Variants in RTL4 observed in about 807,000 individuals in gnomAD.
The protein encoded by RTL4 is retrotransposon Gag-like protein 4.
In RTL4, 4 loss-of-function variants were observed where a neutral mutation model predicts 5.3. The observed-to-expected ratio is 0.75, with a 90% CI of 0.37 to 1.72. The LOEUF (loss-of-function observed/expected upper bound fraction) is 1.72, where lower values mean the gene tolerates loss of function less well. Among genes scored for constraint, RTL4 ranks in the 40% most tolerant of loss-of-function variants. The pLI, the probability that RTL4 is intolerant of heterozygous loss-of-function variation, is 0.04. For missense variants in RTL4, 260 were observed against 227.1 expected (o/e 1.14, Z -0.93); for synonymous variants, 98 against 87.3 (o/e 1.12, Z -0.68).
the RTL4 span, among the ~76,000 whole-genome samples, chrX:112,387,458 C>G: frequency 9.2e-6 from 1 of 108,946 alleles, no homozygotes; most frequent in Non-Finnish European, 1.9e-5. Context: ...CATCCTGGAG[C>G]CTGGTAGCCC....
the RTL4 span, among the ~76,000 whole-genome samples, chrX:112,256,595 G>A: frequency 9.0e-6 from 1 of 110,873 alleles, no homozygotes; most frequent in Non-Finnish European, 1.9e-5. Flanking sequence ...ATGGATTAAC[G>A]TGGAAGAAAT....
At chrX:112,352,989 A>G in the RTL4 span, among the ~76,000 whole-genome samples, 1 of 112,124 alleles carries the variant, frequency 8.9e-6, no homozygotes, top group African/African-American at 3.2e-5. Flanking sequence ...TTACAAGAAA[A>G]AAAACAAACA....
the RTL4 span, among the ~76,000 whole-genome samples, chrX:112,307,537 A>T: frequency 1.8e-5 from 2 of 111,949 alleles, no homozygotes; most frequent in African/African-American, 6.5e-5. Flanking sequence ...ACTGCAAGTG[A>T]TCCCTTCTCA....
chrX:112,190,064 G>A, the RTL4 span, among the ~76,000 whole-genome samples: 1 of 112,089 alleles, frequency 8.9e-6, no homozygotes, highest in Non-Finnish European at 1.9e-5. Flanking sequence ...ATGCGATAAT[G>A]CATCTTTGTG....
the RTL4 span, among the ~76,000 whole-genome samples, chrX:112,295,635 A>G: frequency 4.5e-5 from 5 of 112,326 alleles, no homozygotes; most frequent in Admixed American, 4.7e-4. Context: ...TCAGAGATAA[A>G]TTCAGTGCTA....
At chrX:112,147,716 A>G in the RTL4 span, among the ~76,000 whole-genome samples, 1 of 112,112 alleles carries the variant, frequency 8.9e-6, no homozygotes, top group Non-Finnish European at 1.9e-5. Context: ...AGATGGGTGG[A>G]TCACTTGACG....
chrX:112,109,255 A>G, the RTL4 span, among the ~76,000 whole-genome samples: 2 of 111,793 alleles, frequency 1.8e-5, no homozygotes, highest in East Asian at 5.7e-4. Context: ...GGTTCCTTCC[A>G]GTGGATTCTT....
the RTL4 span, among the ~76,000 whole-genome samples, chrX:112,347,361 G>A: frequency 8.9e-6 from 1 of 111,860 alleles, no homozygotes; most frequent in Admixed American, 9.6e-5. Context: ...TCCTTCTGGA[G>A]TGGTCAAGAA....
chrX:112,366,459 C>T, the RTL4 span, among the ~76,000 whole-genome samples: 1 of 111,479 alleles, frequency 9.0e-6, no homozygotes, highest in Non-Finnish European at 1.9e-5. Flanking sequence ...CTAGAAGCTT[C>T]CCCTGGGGAG....
At chrX:112,416,405 T>G in the RTL4 span, among the ~76,000 whole-genome samples, 6 of 112,245 alleles carry the variant, frequency 5.3e-5, no homozygotes, top group Non-Finnish European at 9.4e-5. Flanking sequence ...GATAAAAAGT[T>G]ACTATGTTGT....
chrX:112,343,826 G>A, the RTL4 span, among the ~76,000 whole-genome samples: 11 of 111,549 alleles, frequency 9.9e-5, no homozygotes, highest in African/African-American at 3.6e-4. Context: ...CTTTTCTTGT[G>A]TTTTATATAC....
At chrX:112,177,957 T>G in the RTL4 span, among the ~76,000 whole-genome samples, 3 of 104,090 alleles carry the variant, frequency 2.9e-5, no homozygotes, top group East Asian at 8.7e-4. Context: ...TTCCAATAAA[T>G]AGCTTCATTA....
At chrX:112,327,656 C>T in the RTL4 span, among the ~76,000 whole-genome samples, 23 of 108,028 alleles carry the variant, frequency 2.1e-4, no homozygotes, top group East Asian at 2.9e-3. Flanking sequence ...ATACAGAGAA[C>T]GCCACAAAGA....
chrX:112,402,453 C>G, the RTL4 span, among the ~76,000 whole-genome samples: 1 of 100,282 alleles, frequency 1.0e-5, no homozygotes, highest in African/African-American at 3.6e-5. Flanking sequence ...TGTAAAAATG[C>G]TGTTTTCTAA....
At chrX:112,158,823 G>A in the RTL4 span, among the ~76,000 whole-genome samples, 5 of 111,281 alleles carry the variant, frequency 4.5e-5, no homozygotes, top group East Asian at 1.4e-3. Context: ...ATTTTCTGAG[G>A]ATCAATTCCT....
the RTL4 span, among the ~76,000 whole-genome samples, chrX:112,292,132 ATGTGCAT>A: frequency 8.9e-6 from 1 of 111,778 alleles, no homozygotes; most frequent in Non-Finnish European, 1.9e-5. Flanking sequence ...TCTAGAGTGA[ATGTGCAT>A]TGTCTGTATT....
chrX:112,105,626 A>G, the RTL4 span, among the ~76,000 whole-genome samples: 1 of 110,835 alleles, frequency 9.0e-6, no homozygotes, highest in Non-Finnish European at 1.9e-5. Flanking sequence ...ATTGATTCCT[A>G]AATTTATTTT....
At chrX:112,105,356 C>T in the RTL4 span, among the ~76,000 whole-genome samples, 1 of 111,073 alleles carries the variant, frequency 9.0e-6, no homozygotes, top group Non-Finnish European at 1.9e-5. Context: ...CTCAAGATTG[C>T]TTTCATTATT....
chrX:112,090,795 A>G, the RTL4 span, among the ~76,000 whole-genome samples: 1 of 110,860 alleles, frequency 9.0e-6, no homozygotes, highest in South Asian at 3.8e-4. Flanking sequence ...TCCTATTAAA[A>G]TTTTTTTAGA....
Sources: allele counts gnomAD v4.1 joint callset (sites outside exome capture counted in the v4.1 genomes callset), GRCh38; gene constraint gnomAD v4.1.1; transcripts MANE v1.5; gene names NCBI Gene and HGNC (gene_info 2026-07-23, HGNC 2026-07-21).